The following SHLD2 variants were observed in gnomAD, a reference collection of about 807,000 sequenced individuals.
SHLD2 encodes shieldin complex subunit 2, also known as RINN1-REV7-interacting novel NHEJ regulator 2.
SHLD2 carries 30 observed loss-of-function variants against 73.2 expected under a neutral mutation model. That is an observed-to-expected ratio of 0.41 (90% CI 0.31 to 0.56). The LOEUF (loss-of-function observed/expected upper bound fraction) is 0.56. Ranked by LOEUF, SHLD2 falls within the 20% of genes least tolerant of loss-of-function variation. SHLD2 has a pLI of 0.28. For synonymous variants in SHLD2, 285 were observed against 370.1 expected (o/e 0.77, Z 2.64); for missense variants, 745 against 1,055.9 (o/e 0.71, Z 4.08).
intron 2 of SHLD2, among the ~76,000 whole-genome samples, chr10:87,109,138 G>C (rs550760830): frequency 6.6e-6 from 1 of 152,140 alleles, no homozygotes; most frequent in Non-Finnish European, 1.5e-5. Context: ...CATGTCATTG[G>C]CTATTATGCC....
intron 6 of SHLD2, among the ~76,000 whole-genome samples, chr10:87,174,067 G>A (rs937326865): frequency 6.6e-6 from 1 of 152,098 alleles, no homozygotes. Flanking sequence ...GGTACTTTTA[G>A]CCCAATAATT....
chr10:87,153,255 CA>C (rs1371414010), intron 3 of SHLD2, among the ~76,000 whole-genome samples: 5 of 152,196 alleles, frequency 3.3e-5, no homozygotes, highest in Admixed American at 6.5e-5. Flanking sequence ...CCCGTCTCTA[CA>C]AAAAATAAAT....
intron 2 of SHLD2, among the ~76,000 whole-genome samples, chr10:87,123,749 G>A (rs1843790573): frequency 6.6e-6 from 1 of 152,108 alleles, no homozygotes; most frequent in Non-Finnish European, 1.5e-5. Flanking sequence ...TGTTGTCCTC[G>A]CAGTAGTGAG....
chr10:87,097,920 A>G (rs965065875), intron 2 of SHLD2, among the ~76,000 whole-genome samples: 5 of 151,652 alleles, frequency 3.3e-5, no homozygotes, highest in African/African-American at 4.8e-5. Flanking sequence ...CCACCATGCC[A>G]GGCTAATTTT....
chr10:87,164,719 CA>C (rs1847077796), intron 4 of SHLD2, among the ~76,000 whole-genome samples: 1 of 152,032 alleles, frequency 6.6e-6, no homozygotes, highest in East Asian at 1.9e-4. Flanking sequence ...AAAGCTGAAG[CA>C]ATTTGAGTAA....
chr10:87,103,218 A>T (rs534168031), intron 2 of SHLD2, among the ~76,000 whole-genome samples: 200 of 151,962 alleles, frequency 1.3e-3, no homozygotes, highest in African/African-American at 3.8e-3. Context: ...CAAAAAAAAA[A>T]TTTTTTTTAA....
Position 87,175,911 on chromosome 10 carries a change from T to C in SHLD2, c.1986T>C (p.Tyr662=). ...RKKGYIWEFK[Y]LFVQCNYTLE... ...AAGGTTATATTTGGGAATTTAAATATCTTTTTGTTCAGTGCAATTACACAC... is the reference window on the plus strand; with the variant it reads ...AAGGTTATATTTGGGAATTTAAATACCTTTTTGTTCAGTGCAATTACACAC... Residue 662 remains tyrosine, a synonymous_variant, in exon 7 of 10, where the codon TAT becomes TAC. Transcript: ENST00000298786. 1.9e-6 allele frequency: 3 copies of C among 1,550,624 alleles called. No homozygotes were observed. The South Asian group carries it at 3.6e-5, about 18-fold the overall frequency.
chr10:87,179,965 A>G (rs1270657910), intron 7 of SHLD2, 110 bp from the exon 8 acceptor site: 1 of 742,130 alleles, frequency 1.3e-6, no homozygotes, highest in Non-Finnish European at 2.4e-6. Context: ...ACCTCAGTGT[A>G]TCCTTTTACT....
intron 2 of SHLD2, among the ~76,000 whole-genome samples, chr10:87,117,841 A>T (rs1222351628): frequency 6.6e-6 from 1 of 152,204 alleles, no homozygotes; most frequent in Non-Finnish European, 1.5e-5. Context: ...TGGTGATGGA[A>T]TTCTCTATTG....
intron 6 of SHLD2, among the ~76,000 whole-genome samples, chr10:87,171,970 T>C (rs970172125): frequency 2.5e-4 from 38 of 152,206 alleles, no homozygotes; most frequent in Admixed American, 2.0e-4. Flanking sequence ...GTCACAGGTA[T>C]AGTGGAGCCG....
chr10:87,157,227 A>G (rs539775459), intron 3 of SHLD2, among the ~76,000 whole-genome samples: 1 of 152,350 alleles, frequency 6.6e-6, no homozygotes, highest in Non-Finnish European at 1.5e-5. Context: ...TAAAAGGTTC[A>G]AAAGCTGAGG....
intron 2 of SHLD2, among the ~76,000 whole-genome samples, chr10:87,148,698 G>A (rs1845802561): frequency 6.6e-6 from 1 of 151,842 alleles, no homozygotes; most frequent in Admixed American, 6.6e-5. Context: ...AGCCATGATT[G>A]CACCATTGCA....
intron 8 of SHLD2, among the ~76,000 whole-genome samples, chr10:87,181,219 A>C (rs1392289682): frequency 8.9e-5 from 1 of 11,276 alleles, no homozygotes; most frequent in African/African-American, 2.9e-4. Context: ...CATCTCTACC[A>C]AAAAAAAAAA....
chr10:87,165,617 G>A lies in SHLD2; in HGVS notation c.1634-4861G>A, dbSNP rs535675708. Among the ~76,000 whole-genome samples the A allele has an allele frequency of 9.2e-3, 1,404 of 152,190 alleles. 14 individuals carry two copies. Among genetic ancestry groups the A allele is most frequent in the Non-Finnish European group, 0.011 (744 of 68,014 alleles). On this transcript the variant is annotated intron_variant, in intron 4 of 9. Coordinates refer to ENST00000298786, the MANE Select transcript of SHLD2 (RefSeq NM_001330112.2). ...ATCAGGATTCTTCATAAGTGTCAAGGTAATGAAAAAGAAAAGACTGAGAAA... is the reference window on the plus strand; with the variant it reads ...ATCAGGATTCTTCATAAGTGTCAAGATAATGAAAAAGAAAAGACTGAGAAA...
chr10:87,146,711 C>G (rs1845636887), intron 2 of SHLD2, among the ~76,000 whole-genome samples: 1 of 151,926 alleles, frequency 6.6e-6, no homozygotes, highest in South Asian at 2.1e-4. Flanking sequence ...AGATTAGACA[C>G]CCCTGATTTA....
chr10:87,188,448 C>T (rs1848770421), intron 9 of SHLD2, among the ~76,000 whole-genome samples: 1 of 151,974 alleles, frequency 6.6e-6, no homozygotes, highest in Admixed American at 6.6e-5. Context: ...GGCTTTTGTT[C>T]CTTAAAGGGG....
intron 2 of SHLD2, among the ~76,000 whole-genome samples, chr10:87,135,182 T>C (rs1589517117): frequency 1.3e-5 from 2 of 152,034 alleles, no homozygotes; most frequent in Non-Finnish European, 2.9e-5. Flanking sequence ...TAACACCTTA[T>C]ATTAGTATGG....
chr10:87,124,490 C>T (rs1589481133), intron 2 of SHLD2, among the ~76,000 whole-genome samples: 1 of 152,038 alleles, frequency 6.6e-6, no homozygotes, highest in South Asian at 2.1e-4. Flanking sequence ...GAGCTGTGAT[C>T]GCACCACTGC....
chr10:87,117,760 G>A (rs918758940), intron 2 of SHLD2, among the ~76,000 whole-genome samples: 8 of 152,184 alleles, frequency 5.3e-5, no homozygotes, highest in African/African-American at 1.9e-4. Context: ...GTGCCACTGC[G>A]CTCCAACCTG....
Sources: allele counts gnomAD v4.1 joint callset (sites outside exome capture counted in the v4.1 genomes callset), GRCh38; gene constraint gnomAD v4.1.1; transcripts MANE v1.5; gene names NCBI Gene and HGNC (gene_info 2026-07-23, HGNC 2026-07-21).